Variants in SAMD3 observed in about 807,000 individuals in gnomAD.
The protein encoded by SAMD3 is sterile alpha motif domain containing 3.
In SAMD3, 63 loss-of-function variants were observed where a neutral mutation model predicts 58.5. The observed-to-expected ratio is 1.08, with a 90% CI of 0.88 to 1.33. The LOEUF (loss-of-function observed/expected upper bound fraction) is 1.33, where lower values mean the gene tolerates loss of function less well. SAMD3 is among the 40% of genes most tolerant of loss of function. The probability of loss-of-function intolerance (pLI) is 0.00; values close to 1 mark genes in which losing one functional copy is unlikely to be tolerated. For synonymous variants in SAMD3, 220 were observed against 210.3 expected (o/e 1.05, Z -0.40); for missense variants, 604 against 608.4 (o/e 0.99, Z 0.08).
At chr6:130,184,278 C>G in intron 6 of SAMD3, 91 bp from the exon 7 acceptor site, 1 of 1,241,064 alleles carries the variant, frequency 8.1e-7, no homozygotes, top group African/African-American at 1.5e-5. Flanking sequence ...TTTTTCTTCA[C>G]ATTTTTCTAT....
At position 130,257,128 on chromosome 6, in the gene SAMD3, C is replaced by T. The variant is rs181083208; in HGVS notation, c.-187-34315G>A. On this transcript the variant is annotated intron_variant, in intron 2 of 13. Transcript: ENST00000368134. ...GGTCCTAATCTGATAAGACTGTTGC[C>T]TTATAATAAGGGAAAGATCTCTCTC... Among the ~76,000 whole-genome samples, 25 of 152,120 alleles carry T rather than the reference C, an allele frequency of 1.6e-4. No homozygotes were observed. In the East Asian group the frequency reaches 4.4e-3, roughly 27 times the overall value.
At chr6:130,340,697 T>C (rs1445615894) in intron 1 of SAMD3, among the ~76,000 whole-genome samples, 1 of 152,238 alleles carries the variant, frequency 6.6e-6, no homozygotes, top group East Asian at 1.9e-4. Context: ...CAAAAATTCC[T>C]TGGAAACTCT....
chr6:130,183,548 C>A (rs1381187682), intron 7 of SAMD3: 5 of 383,808 alleles, frequency 1.3e-5, no homozygotes, highest in Non-Finnish European at 2.5e-5. Flanking sequence ...CTTTCTCTTT[C>A]TATGTGTCAC....
chr6:130,307,689 G>A (rs1775953397), intron 2 of SAMD3, among the ~76,000 whole-genome samples: 1 of 152,150 alleles, frequency 6.6e-6, no homozygotes, highest in African/African-American at 2.4e-5. Context: ...AGGTCAATTG[G>A]TTGCTAATGG....
intron 5 of SAMD3, among the ~76,000 whole-genome samples, chr6:130,188,314 G>A (rs1159997900): frequency 1.3e-5 from 2 of 152,202 alleles, no homozygotes; most frequent in Non-Finnish European, 2.9e-5. Flanking sequence ...AACAGCAGTT[G>A]GTAGGGAGCA....
intron 9 of SAMD3, among the ~76,000 whole-genome samples, chr6:130,148,174 A>T (rs1788809852): frequency 6.6e-6 from 1 of 152,192 alleles, no homozygotes; most frequent in Non-Finnish European, 1.5e-5. Context: ...CCAAATGGTG[A>T]CTTTTCTAAT....
At chr6:130,178,752 G>A (rs561564754) in intron 7 of SAMD3, among the ~76,000 whole-genome samples, 1 of 152,310 alleles carries the variant, frequency 6.6e-6, no homozygotes, top group Admixed American at 6.5e-5. Flanking sequence ...TAGCCTTTTG[G>A]GAGAGTGAGT....
intron 9 of SAMD3, among the ~76,000 whole-genome samples, chr6:130,148,348 T>A (rs776752590): frequency 6.6e-6 from 1 of 152,268 alleles, no homozygotes; most frequent in Non-Finnish European, 1.5e-5. Context: ...TTGCTCGAAT[T>A]GCCCAGACTT....
intron 1 of SAMD3, among the ~76,000 whole-genome samples, chr6:130,358,560 G>A (rs766491712): frequency 4.6e-5 from 7 of 152,066 alleles, no homozygotes; most frequent in Non-Finnish European, 1.0e-4. Flanking sequence ...GGTTGTTGTT[G>A]TTATTTTTTT....
intron 1 of SAMD3, among the ~76,000 whole-genome samples, chr6:130,221,047 G>A (rs1291546488): frequency 6.6e-6 from 1 of 151,892 alleles, no homozygotes; most frequent in African/African-American, 2.4e-5. Context: ...GTAGAGACGG[G>A]GTTTCACTGT....
intron 1 of SAMD3, among the ~76,000 whole-genome samples, chr6:130,347,636 A>C (rs1777497475): frequency 6.6e-6 from 1 of 152,230 alleles, no homozygotes; most frequent in African/African-American, 2.4e-5. Context: ...GAATGGAACC[A>C]AGTTGGAACA....
intron 2 of SAMD3, among the ~76,000 whole-genome samples, chr6:130,270,939 A>G (rs931042173): frequency 6.6e-6 from 1 of 152,146 alleles, no homozygotes; most frequent in Non-Finnish European, 1.5e-5. Flanking sequence ...CATTTTAAAT[A>G]TTGGCAGATA....
At chr6:130,343,152 T>C (rs1777322411) in intron 1 of SAMD3, among the ~76,000 whole-genome samples, 1 of 151,702 alleles carries the variant, frequency 6.6e-6, no homozygotes, top group South Asian at 2.1e-4. Context: ...AAACACAGAA[T>C]CTTTTTCAAA....
intron 1 of SAMD3, among the ~76,000 whole-genome samples, chr6:130,346,977 A>C (rs1174781539): frequency 6.6e-6 from 1 of 152,216 alleles, no homozygotes; most frequent in Non-Finnish European, 1.5e-5. Flanking sequence ...CAGCATCTGG[A>C]GTGGACCTCC....
intron 8 of SAMD3, chr6:130,160,124 C>T (rs1286982384): frequency 6.6e-6 from 1 of 152,126 alleles, no homozygotes; most frequent in Non-Finnish European, 1.5e-5. Context: ...CAAATCCACT[C>T]CTAAGTATAA....
In SAMD3 at chr6:130,193,346, T is replaced by C. The variant is rs1255993976; in HGVS notation, c.384-8723A>G. The stretch of plus-strand genomic sequence containing the variant: ...CCAACCTCATATCTCTGCTCCCCGA[T>C]CCCTTATTTCTGTGCCCTGACCTCT... On this transcript the variant is annotated intron_variant, in intron 5 of 11. Transcript: ENST00000439090. Among the ~76,000 whole-genome samples the C allele has an allele frequency of 2.0e-5, 3 of 151,998 alleles. No homozygotes were observed. The East Asian group carries it at 5.8e-4, about 29-fold the overall frequency.
At chr6:130,347,570 G>T (rs1165535818) in intron 1 of SAMD3, among the ~76,000 whole-genome samples, 3 of 152,154 alleles carry the variant, frequency 2.0e-5, no homozygotes, top group Admixed American at 2.0e-4. Context: ...AGAAATATGG[G>T]ACTATGTGAA....
chr6:130,144,259 C>A (rs41285304), downstream of SAMD3: 65,879 of 444,954 alleles, frequency 0.15, 5,429 homozygotes, highest in Admixed American at 0.2. Context: ...TGAGGCACCT[C>A]TGAAAATATA....
chr6:130,197,437 T>C lies in SAMD3; in HGVS notation c.383+12058A>G, dbSNP rs182836256. On this transcript the variant is annotated intron_variant, in intron 5 of 11. Coordinates refer to ENST00000439090, the MANE Select transcript of SAMD3 (RefSeq NM_001017373.4). ...TCTTGAAGTAAATAATCTTTGCTGGTAGGACTATGCTGAATCTCCTTAGGC... is the reference window on the plus strand; with the variant it reads ...TCTTGAAGTAAATAATCTTTGCTGGCAGGACTATGCTGAATCTCCTTAGGC... Among the ~76,000 whole-genome samples, 61 of 152,372 alleles carry C rather than the reference T, an allele frequency of 4.0e-4. No homozygotes were observed. In the East Asian group the frequency reaches 0.011, roughly 27 times the overall value.
Sources: gnomAD v4.1 joint callset for allele counts (sites outside exome capture counted in the v4.1 genomes callset) on GRCh38, gnomAD v4.1.1 for gene constraint, MANE v1.5 for transcripts, NCBI Gene and HGNC (gene_info 2026-07-23, HGNC 2026-07-21) for gene names.